ADGRG5: variants seen among roughly 807,000 people sequenced by gnomAD.
The protein encoded by ADGRG5 is G protein-coupled receptor 114.
In ADGRG5, 37 loss-of-function variants were observed where a neutral mutation model predicts 53.2. That is an observed-to-expected ratio of 0.70 (90% confidence interval 0.53 to 0.91). The LOEUF (loss-of-function observed/expected upper bound fraction) is 0.91, where lower values mean the gene tolerates loss of function less well. Among genes scored for constraint, ADGRG5 ranks in the 40% least tolerant of loss-of-function variants. The pLI is 0.00. For missense variants in ADGRG5, 614 were observed against 675.8 expected, an observed-to-expected ratio of 0.91 and a Z score of 1.01; for synonymous variants, 277 against 290.4, an observed-to-expected ratio of 0.95 and a Z score of 0.47.
upstream of ADGRG5, among the ~76,000 whole-genome samples, chr16:57,539,005 A>T (rs1448385848): frequency 6.6e-6 from 1 of 152,262 alleles, no homozygotes; most frequent in South Asian, 2.1e-4. Flanking sequence ...TTTGTTAAGA[A>T]GGGGCATCAT....
chr16:57,575,235 G>T, intron 11 of ADGRG5, 143 bp downstream of exon 11: 1 of 1,022,420 alleles, frequency 9.8e-7, no homozygotes, highest in East Asian at 2.5e-5. Flanking sequence ...AAGCTGGTGG[G>T]GGCTACATCT....
chr16:57,575,578 G>T lies in ADGRG5; in HGVS notation c.*40G>T, dbSNP rs374246263. 6.6e-7 allele frequency: 1 copy of T among 1,512,792 alleles called. No individual in the cohort carries two copies. Among genetic ancestry groups the T allele is most frequent in the Non-Finnish European group, 9.2e-7 (1 of 1,088,768 alleles). 93.7% of individuals were successfully genotyped at this position (1,512,792 alleles called of 1,614,324 possible). ...CCTGGAATCCTCAGCCTCTCTGGCC[G>T]CCAGTAGCCTGAGGCTACGGCTCCT... is the stretch of plus-strand genomic sequence containing the variant. On this transcript the variant is annotated 3_prime_UTR_variant, in exon 12 of 12. Coordinates refer to ENST00000349457, the MANE Select transcript of ADGRG5 (RefSeq NM_001304376.3).
intron 4 of ADGRG5, 125 bp from the exon 5 acceptor site, chr16:57,563,723 G>C (rs547848008): frequency 2.4e-4 from 293 of 1,226,480 alleles, no homozygotes; most frequent in East Asian, 1.2e-3. Flanking sequence ...ATGCAGCCTG[G>C]GGGGAGAAGG....
the ADGRG5 span, among the ~76,000 whole-genome samples, chr16:57,537,489 G>A: frequency 5.3e-5 from 8 of 152,222 alleles, no homozygotes; most frequent in African/African-American, 1.9e-4. Context: ...AATGAACCAA[G>A]AATGAATCAG....
chr16:57,536,546 G>T, the ADGRG5 span: 1 of 152,192 alleles, frequency 6.6e-6, no homozygotes, highest in Non-Finnish European at 1.5e-5. Context: ...CGCTGCGGCG[G>T]GGTAGAGCGG....
At chr16:57,568,321 G>GTCACCTCCTCCACCAACATTA (rs2033204211) in intron 9 of ADGRG5, among the ~76,000 whole-genome samples, 197 bp downstream of exon 9, 1 of 149,842 alleles carries the variant, frequency 6.7e-6, no homozygotes, top group Non-Finnish European at 1.5e-5. Flanking sequence ...CATCATCATC[G>GTCACCTCCTCCACCAACATTA]TCACCTCCTC....
chr16:57,575,476 C>T lies in ADGRG5; in HGVS notation c.1525C>T (p.Arg509Cys), dbSNP rs62036095. The T allele has an allele frequency of 5.3e-5, 86 of 1,614,082 alleles. No individual in the cohort carries two copies. Among genetic ancestry groups the T allele is most frequent in the Non-Finnish European group, 6.7e-5 (79 of 1,180,008 alleles). ...LFLWFCSQRCRSEAEAKAQIE... is the reference protein window; with the variant it reads ...LFLWFCSQRCCSEAEAKAQIE... ...CCTGTGGTTCTGCTCCCAGCGGTGCCGCTCAGAAGCAGAGGCCAAGGCACA... is the reference window on the plus strand; with the variant it reads ...CCTGTGGTTCTGCTCCCAGCGGTGCTGCTCAGAAGCAGAGGCCAAGGCACA... Residue 509 changes from arginine to cysteine, a missense_variant, in exon 12 of 12, where the codon CGC becomes TGC. Arg to Cys is a radical substitution (Grantham distance 180). Transcript: ENST00000349457.
chr16:57,536,259 C>T, the ADGRG5 span, among the ~76,000 whole-genome samples: 1 of 152,110 alleles, frequency 6.6e-6, no homozygotes, highest in Admixed American at 6.5e-5. Context: ...GCCTCCCCTC[C>T]CCCATCACCC....
At chr16:57,533,909 G>A in the ADGRG5 span, among the ~76,000 whole-genome samples, 5 of 152,126 alleles carry the variant, frequency 3.3e-5, no homozygotes, top group Non-Finnish European at 5.9e-5. Flanking sequence ...TGCGTGGGGC[G>A]TGGCCTCCTG....
chr16:57,545,342 GA>G (rs2032591327), intron 1 of ADGRG5, among the ~76,000 whole-genome samples: 1 of 152,184 alleles, frequency 6.6e-6, no homozygotes, highest in South Asian at 2.1e-4. Flanking sequence ...ATTTCAATTT[GA>G]AAAATGAATC....
intron 1 of ADGRG5, among the ~76,000 whole-genome samples, chr16:57,556,599 T>C (rs2032887429): frequency 6.6e-6 from 1 of 152,218 alleles, no homozygotes; most frequent in Non-Finnish European, 1.5e-5. Context: ...ATACTTCCAT[T>C]TCCTCTCTCC....
chr16:57,539,415 T>C (rs1394704475), upstream of ADGRG5, among the ~76,000 whole-genome samples: 1 of 151,194 alleles, frequency 6.6e-6, no homozygotes, highest in Non-Finnish European at 1.5e-5. Context: ...GATGTTTGCA[T>C]GACAGTGTAA....
chr16:57,546,977 GC>G (rs1375832043), intron 1 of ADGRG5, among the ~76,000 whole-genome samples: 1 of 152,192 alleles, frequency 6.6e-6, no homozygotes, highest in African/African-American at 2.4e-5. Flanking sequence ...CTCCCAAAGT[GC>G]TGGGATTACA....
At chr16:57,563,026 C>T in intron 3 of ADGRG5, 65 bp from the exon 4 acceptor site, 1 of 1,571,662 alleles carries the variant, frequency 6.4e-7, no homozygotes, top group Non-Finnish European at 8.7e-7. Context: ...AGGCTGTCTA[C>T]AGCCCCCTCT....
chr16:57,545,556 A>C (rs546278878), intron 1 of ADGRG5, among the ~76,000 whole-genome samples: 4 of 152,206 alleles, frequency 2.6e-5, no homozygotes, highest in Non-Finnish European at 5.9e-5. Context: ...AGTTGATACA[A>C]AAGTGCCCCA....
upstream of ADGRG5, among the ~76,000 whole-genome samples, chr16:57,541,851 C>G (rs753574649): frequency 6.6e-6 from 1 of 152,242 alleles, no homozygotes; most frequent in Non-Finnish European, 1.5e-5. Flanking sequence ...CAGGACAGGC[C>G]TATCCAGCTG....
At chr16:57,549,740 A>G (rs1289423228) in intron 1 of ADGRG5, among the ~76,000 whole-genome samples, 2 of 152,200 alleles carry the variant, frequency 1.3e-5, no homozygotes, top group Non-Finnish European at 2.9e-5. Context: ...ACTCCCTGGC[A>G]ACTACTGATT....
chr16:57,553,246 TA>T (rs1204496129), intron 1 of ADGRG5, among the ~76,000 whole-genome samples: 2 of 151,986 alleles, frequency 1.3e-5, no homozygotes, highest in African/African-American at 2.4e-5. Context: ...CTTCAATTTG[TA>T]AAAAAAACCC....
chr16:57,573,974 G>A (rs1463977346), intron 10 of ADGRG5, among the ~76,000 whole-genome samples: 3 of 152,066 alleles, frequency 2.0e-5, no homozygotes, highest in South Asian at 4.2e-4. Context: ...CGCCCACCTC[G>A]GCCTCCCAAA....
Sources: gnomAD v4.1 joint callset for allele counts (sites outside exome capture counted in the v4.1 genomes callset) on GRCh38, gnomAD v4.1.1 for gene constraint, MANE v1.5 for transcripts, NCBI Gene and HGNC (gene_info 2026-07-23, HGNC 2026-07-21) for gene names.